Variants in FAM135A observed in about 807,000 individuals in gnomAD.
FAM135A encodes the protein protein FAM135A.
FAM135A carries 79 observed loss-of-function variants against 146.8 expected under a neutral mutation model. The ratio of observed to expected loss-of-function variants is 0.54; its 90% CI spans 0.45 to 0.65. The LOEUF (loss-of-function observed/expected upper bound fraction) is 0.65, where lower values mean the gene tolerates loss of function less well. Ranked by LOEUF, FAM135A falls within the 30% of genes least tolerant of loss-of-function variation. FAM135A has a pLI of 0.00. For missense variants in FAM135A, 1,623 were observed against 1,758.2 expected, an observed-to-expected ratio of 0.92 and a Z score of 1.38; for synonymous variants, 562 against 603.6, an observed-to-expected ratio of 0.93 and a Z score of 1.01.
chr6:70,473,567 C>T lies in FAM135A; in HGVS notation c.158-1843C>T, dbSNP rs557828488. Among the ~76,000 whole-genome samples, 116 of 152,272 alleles carry T rather than the reference C, an allele frequency of 7.6e-4. 1 individual carries two copies. Among genetic ancestry groups the T allele is most frequent in the Non-Finnish European group, 1.4e-3 (97 of 68,012 alleles). On this transcript the variant is annotated intron_variant, in intron 5 of 21. Transcript: ENST00000418814. Reference sequence around the variant, plus strand: ...CTGATAGGTAAGGAAACTGGCTCCCCTTATCCTTTAATATATTTCCTTATT... The same window carrying T: ...CTGATAGGTAAGGAAACTGGCTCCCTTTATCCTTTAATATATTTCCTTATT...
intron 12 of FAM135A, among the ~76,000 whole-genome samples, chr6:70,520,075 G>A (rs556853330): frequency 2.4e-4 from 36 of 151,980 alleles, no homozygotes; most frequent in African/African-American, 7.0e-4. Flanking sequence ...GGGAATTCTA[G>A]GCTTTTTTTT....
At chr6:70,521,495 A>G (rs1010641160) in intron 12 of FAM135A, among the ~76,000 whole-genome samples, 21 of 152,304 alleles carry the variant, frequency 1.4e-4, no homozygotes, top group African/African-American at 5.1e-4. Flanking sequence ...CACTTCCCTC[A>G]TTGACTTGTT....
At position 70,428,321 on chromosome 6, in the gene FAM135A, GTCT is replaced by G; in HGVS notation, c.-18_-16del. The G allele has an allele frequency of 6.4e-7, 1 of 1,563,724 alleles. No individual in the cohort carries two copies. Among genetic ancestry groups the G allele is most frequent in the Middle Eastern group, 1.7e-4 (1 of 5,942 alleles). ...TAACAAAGGTGCTGTTATCAGAATA[GTCT>G]TCTGGGTATAAATTAAAAATGACTG... On this transcript the variant is annotated 5_prime_UTR_variant, in exon 4 of 22. Transcript: ENST00000418814.
chr6:70,529,250 G>A (rs1795314378), intron 16 of FAM135A, among the ~76,000 whole-genome samples: 1 of 151,842 alleles, frequency 6.6e-6, no homozygotes, highest in African/African-American at 2.4e-5. Context: ...TTTTATGACA[G>A]CTGTTTTGGT....
At position 70,536,321 on chromosome 6, in the gene FAM135A, A is replaced by C. The variant is rs746254637; in HGVS notation, c.4027A>C (p.Lys1343Gln). The C allele has an allele frequency of 1.9e-6, 3 of 1,613,404 alleles. No homozygotes were observed. Among genetic ancestry groups the C allele is most frequent in the Non-Finnish European group, 2.5e-6 (3 of 1,179,700 alleles). ...TTCAGTGCTTACAAGGCCAAGGTTT[A>C]AATATTACCTCAACAAACTTCATAC... ...IRSVLTRPRF[K>Q]YYLNKLHTFL... Residue 1343 changes from lysine to glutamine, a missense_variant, in exon 19 of 22, where the codon AAA becomes CAA. Coordinates refer to ENST00000418814, the MANE Select transcript of FAM135A (RefSeq NM_001162529.3).
intron 5 of FAM135A, among the ~76,000 whole-genome samples, chr6:70,472,276 C>A (rs921072725): frequency 1.3e-5 from 2 of 152,302 alleles, no homozygotes; most frequent in East Asian, 1.9e-4. Flanking sequence ...AATTTACTTT[C>A]ATTGAGGAGA....
chr6:70,464,456 G>T (rs1582308860), intron 5 of FAM135A, among the ~76,000 whole-genome samples: 1 of 152,182 alleles, frequency 6.6e-6, no homozygotes, highest in Non-Finnish European at 1.5e-5. Context: ...AGATTAATGT[G>T]GTTTCTGACT....
At chr6:70,435,088 T>C (rs1003829612) in intron 4 of FAM135A, among the ~76,000 whole-genome samples, 468 of 38,740 alleles carry the variant, frequency 0.012, no homozygotes, top group African/African-American at 0.047. Context: ...TGTGTATATA[T>C]ATATATATAT....
chr6:70,479,092 T>A (rs1490297019), intron 8 of FAM135A, among the ~76,000 whole-genome samples: 4 of 152,188 alleles, frequency 2.6e-5, no homozygotes, highest in Admixed American at 2.0e-4. Context: ...TTGTTTTAAC[T>A]ATTTCTTTTT....
In FAM135A at chr6:70,533,720, T is replaced by C. The variant is rs776248699; in HGVS notation, c.3868-37T>C. On this transcript the variant is annotated intron_variant, in intron 17 of 21. Coordinates refer to ENST00000418814, the MANE Select transcript of FAM135A (RefSeq NM_001162529.3). Reference sequence around the variant, plus strand: ...TAGTTTTTCATGTGATTATACATATTCCCAAATATAATGTATGTGCTTTGC... The same window carrying C: ...TAGTTTTTCATGTGATTATACATATCCCCAAATATAATGTATGTGCTTTGC... The C allele has an allele frequency of 4.1e-6, 5 of 1,226,830 alleles. No individual in the cohort carries two copies. The South Asian group carries it at 4.2e-5, about 10-fold the overall frequency. The allele number at this position is 1,226,830 out of a possible 1,614,324, so 76.0% of individuals were successfully genotyped here.
intron 4 of FAM135A, among the ~76,000 whole-genome samples, chr6:70,431,537 A>ATTTGG (rs1399923564): frequency 5.3e-4 from 81 of 152,258 alleles, no homozygotes; most frequent in African/African-American, 1.9e-3. Context: ...TTACACCTCC[A>ATTTGG]CCACAAGATA....
At chr6:70,507,095 G>T (rs887999900) in intron 12 of FAM135A, among the ~76,000 whole-genome samples, 3 of 152,040 alleles carry the variant, frequency 2.0e-5, no homozygotes, top group Admixed American at 6.6e-5. Context: ...TTTACCTAGC[G>T]CTTCCCTTTT....
intron 4 of FAM135A, among the ~76,000 whole-genome samples, chr6:70,440,203 T>G (rs1774134451): frequency 6.6e-6 from 1 of 152,250 alleles, no homozygotes. Flanking sequence ...AATCCTCAAG[T>G]GATGCTATGT....
chr6:70,523,319 CA>C (rs555874058), intron 13 of FAM135A, among the ~76,000 whole-genome samples: 7 of 151,758 alleles, frequency 4.6e-5, no homozygotes, highest in Admixed American at 2.0e-4. Flanking sequence ...AATTATACCA[CA>C]AAAAAAATCC....
rs1224715638 is a variant in FAM135A at position 70,452,588 on chromosome 6, A to G, written c.157+17A>G. The stretch of plus-strand genomic sequence containing the variant: ...ATGCAACAGGTAAGCCAAAGAATAC[A>G]TTCAAATTTAAAAAGTAATCTGAAT... On this transcript the variant is annotated intron_variant, in intron 5 of 21. Transcript: ENST00000418814. The G allele has an allele frequency of 1.3e-6, 2 of 1,539,736 alleles. No individual in the cohort carries two copies. The highest frequency in any genetic ancestry group is 1.3e-5 in the South Asian group (1 of 77,938).
intron 19 of FAM135A, among the ~76,000 whole-genome samples, chr6:70,537,965 CTTCT>C (rs1352000094): frequency 2.6e-5 from 4 of 152,140 alleles, no homozygotes; most frequent in Admixed American, 6.5e-5. Flanking sequence ...TCTTCATCTT[CTTCT>C]TTATCATTTG....
intron 2 of FAM135A, 143 bp downstream of exon 2, chr6:70,415,519 C>T (rs1767369031): frequency 6.6e-6 from 1 of 152,094 alleles, no homozygotes; most frequent in Non-Finnish European, 1.5e-5. Flanking sequence ...GAAGAACTAG[C>T]AATTGTGTAT....
At chr6:70,519,175 C>T (rs952333811) in intron 12 of FAM135A, among the ~76,000 whole-genome samples, 2 of 152,046 alleles carry the variant, frequency 1.3e-5, no homozygotes, top group Non-Finnish European at 1.5e-5. Flanking sequence ...GAAGGGGTCA[C>T]GACGAGTGGA....
chr6:70,515,984 G>A (rs1792100711), intron 12 of FAM135A, among the ~76,000 whole-genome samples: 1 of 151,822 alleles, frequency 6.6e-6, no homozygotes, highest in African/African-American at 2.4e-5. Flanking sequence ...AATTATCTTG[G>A]TGTCTCTTTC....
Sources: gnomAD v4.1 joint callset for allele counts (sites outside exome capture counted in the v4.1 genomes callset) on GRCh38, gnomAD v4.1.1 for gene constraint, MANE v1.5 for transcripts, NCBI Gene and HGNC (gene_info 2026-07-23, HGNC 2026-07-21) for gene names.